Variants in TBC1D30 observed in about 807,000 individuals in gnomAD.
The protein encoded by TBC1D30 is TBC1 domain family member 30, also known as TBC1 domain family, member 30.
Under a neutral mutation model 63.2 loss-of-function variants are expected in TBC1D30, and 31 were observed. The ratio of observed to expected loss-of-function variants is 0.49; its 90% CI spans 0.37 to 0.66. The LOEUF (loss-of-function observed/expected upper bound fraction) is 0.66, where lower values mean the gene tolerates loss of function less well. TBC1D30 is among the 30% of genes least tolerant of loss of function. The pLI is 0.00. For synonymous variants in TBC1D30, 307 were observed against 361.5 expected (o/e 0.85, Z 1.71); for missense variants, 810 against 953.6 (o/e 0.85, Z 1.98).
intron 2 of TBC1D30, among the ~76,000 whole-genome samples, chr12:64,817,142 T>C (rs556583687): frequency 2.2e-4 from 33 of 152,310 alleles, no homozygotes; most frequent in Admixed American, 3.3e-4. Context: ...AAGACCTCAG[T>C]GGGGTATCCT....
At chr12:64,778,954 T>C (rs1177906866), upstream of TBC1D30, 1 of 152,200 alleles carries the variant, frequency 6.6e-6, no homozygotes, top group African/African-American at 2.4e-5. Flanking sequence ...TTTGCCATTT[T>C]CCTCTCTTTA....
chr12:64,866,718 A>G, intron 9 of TBC1D30, 46 bp from the exon 10 acceptor site: 2 of 1,515,820 alleles, frequency 1.3e-6, no homozygotes, highest in Non-Finnish European at 1.8e-6. Context: ...TTAAAATACC[A>G]TGGTTTTCTT....
intron 2 of TBC1D30, among the ~76,000 whole-genome samples, chr12:64,810,889 G>A (rs895771107): frequency 2.0e-5 from 3 of 152,198 alleles, no homozygotes; most frequent in Non-Finnish European, 2.9e-5. Context: ...CCAGAGCCTA[G>A]AAGGTAAACT....
chr12:64,795,198 A>G (rs1349586405), intron 2 of TBC1D30, among the ~76,000 whole-genome samples: 1 of 152,102 alleles, frequency 6.6e-6, no homozygotes, highest in African/African-American at 2.4e-5. Context: ...AGTATCTTCA[A>G]GTCTTTCATC....
At chr12:64,871,937 G>A (rs528238379) in intron 11 of TBC1D30, among the ~76,000 whole-genome samples, 1 of 152,300 alleles carries the variant, frequency 6.6e-6, no homozygotes, top group Admixed American at 6.5e-5. Flanking sequence ...TGCTAAATCG[G>A]CCCAGTGGTT....
chr12:64,768,210 A>G (rs2136274287), intron 1 of TBC1D30, among the ~76,000 whole-genome samples: 1 of 152,310 alleles, frequency 6.6e-6, no homozygotes, highest in South Asian at 2.1e-4. Flanking sequence ...ATTACTTACA[A>G]AATATAATAG....
upstream of TBC1D30, among the ~76,000 whole-genome samples, chr12:64,777,011 C>T (rs147036665): frequency 1.5e-4 from 23 of 152,228 alleles, no homozygotes; most frequent in Non-Finnish European, 3.1e-4. Flanking sequence ...CAAAACCACA[C>T]GATTATCTCA....
At position 64,826,296 on chromosome 12, in the gene TBC1D30, G is replaced by A. The variant is rs551766426; in HGVS notation, c.154+1263G>A. ...GCTCATTTTTGATCATGAGAGGATA[G>A]TTGTGGTTTTGGCCAACTAACCCCT... On this transcript the variant is annotated intron_variant, in intron 1 of 11. Transcript: ENST00000539867. 6.4e-4 allele frequency among the ~76,000 whole-genome samples: 98 copies of A among 152,288 alleles called. No individual in the cohort carries two copies. In the South Asian group the frequency reaches 0.02, roughly 31 times the overall value.
intron 2 of TBC1D30, among the ~76,000 whole-genome samples, chr12:64,790,120 G>A (rs7955395): frequency 0.58 from 87,492 of 152,054 alleles, 25,493 homozygotes; most frequent in East Asian, 0.89. Flanking sequence ...ATAGATAACT[G>A]TAATGTTATT....
At chr12:64,774,659 T>C (rs1327177628) in intron 1 of TBC1D30, among the ~76,000 whole-genome samples, 1 of 152,100 alleles carries the variant, frequency 6.6e-6, no homozygotes, top group East Asian at 1.9e-4. Flanking sequence ...AAGAAAATAA[T>C]TTTCAACCCA....
intron 2 of TBC1D30, among the ~76,000 whole-genome samples, chr12:64,796,979 G>A (rs1872314171): frequency 8.0e-6 from 1 of 124,278 alleles, no homozygotes; most frequent in Admixed American, 1.0e-4. Flanking sequence ...TATACTGAAT[G>A]CTTACTTTTA....
At chr12:64,786,150 C>G in intron 2 of TBC1D30, 2 of 800,792 alleles carry the variant, frequency 2.5e-6, no homozygotes, top group Non-Finnish European at 3.5e-6. Context: ...GTTTTAAATG[C>G]AAGCTTATAC....
rs1874146089 is a variant in TBC1D30 at position 64,824,772 on chromosome 12, C to G, written c.-108C>G. On this transcript the variant is annotated 5_prime_UTR_variant, in exon 1 of 12. Transcript: ENST00000539867. ...CTGTGCGCTCCCTGCTCCCACGGGCCGGTCAGCCGCAGACACTCACCCAGC... is the reference window on the plus strand; with the variant it reads ...CTGTGCGCTCCCTGCTCCCACGGGCGGGTCAGCCGCAGACACTCACCCAGC... The G allele has an allele frequency of 7.1e-7, 1 of 1,399,454 alleles. No individual in the cohort carries two copies. Among genetic ancestry groups the G allele is most frequent in the Non-Finnish European group, 9.4e-7 (1 of 1,059,282 alleles). The allele number at this position is 1,399,454 out of a possible 1,614,324, so 86.7% of individuals were successfully genotyped here.
chr12:64,872,558 A>G (rs1878738162), intron 11 of TBC1D30, among the ~76,000 whole-genome samples: 2 of 152,154 alleles, frequency 1.3e-5, no homozygotes, highest in Admixed American at 1.3e-4. Flanking sequence ...CATACAGATC[A>G]TTTGGGGATC....
At chr12:64,865,672 G>A (rs1461055407) in intron 9 of TBC1D30, among the ~76,000 whole-genome samples, 4 of 152,048 alleles carry the variant, frequency 2.6e-5, no homozygotes, top group Admixed American at 2.0e-4. Context: ...CCTGGGCAAC[G>A]TAGCAAGACC....
chr12:64,861,516 C>A (rs1877787621), intron 8 of TBC1D30, among the ~76,000 whole-genome samples: 1 of 152,182 alleles, frequency 6.6e-6, no homozygotes, highest in Non-Finnish European at 1.5e-5. Flanking sequence ...CCCTTTCAGT[C>A]TTTCCCTTTT....
chr12:64,780,704 G>A, exon 1 of TBC1D30: 3 of 967,632 alleles, frequency 3.1e-6, no homozygotes, highest in Non-Finnish European at 3.7e-6. Flanking sequence ...CGCCGCGCCC[G>A]GGAGGGCACC....
chr12:64,797,970 C>T (rs758065172), intron 2 of TBC1D30, among the ~76,000 whole-genome samples: 1 of 152,188 alleles, frequency 6.6e-6, no homozygotes, highest in Non-Finnish European at 1.5e-5. Flanking sequence ...TTAAAGTCAT[C>T]TCTACACCTC....
At chr12:64,872,981 C>A (rs1878774216) in intron 11 of TBC1D30, among the ~76,000 whole-genome samples, 1 of 152,116 alleles carries the variant, frequency 6.6e-6, no homozygotes, top group African/African-American at 2.4e-5. Context: ...ATTATGGGAG[C>A]TACAAGATGA....
Sources: allele counts gnomAD v4.1 joint callset (sites outside exome capture counted in the v4.1 genomes callset), GRCh38; gene constraint gnomAD v4.1.1; transcripts MANE v1.5; gene names NCBI Gene and HGNC (gene_info 2026-07-23, HGNC 2026-07-21).